Variants in SRGN observed in about 807,000 individuals in gnomAD.
SRGN encodes the protein hematopoetic proteoglycan core peptide.
SRGN carries 2 observed loss-of-function variants against 9.5 expected under a neutral mutation model. That is an observed-to-expected ratio of 0.21 (90% CI 0.09 to 0.66). SRGN has a LOEUF of 0.66. Ranked by LOEUF, SRGN falls within the 30% of genes least tolerant of loss-of-function variation. SRGN has a pLI of 0.83. For synonymous variants in SRGN, 59 were observed against 72.3 expected, an observed-to-expected ratio of 0.82 and a Z score of 0.93; for missense variants, 170 against 192.4, an observed-to-expected ratio of 0.88 and a Z score of 0.69.
chr10:69,104,212 T>C lies in SRGN; in HGVS notation c.*92T>C, dbSNP rs1840352318. On this transcript the variant is annotated 3_prime_UTR_variant, in exon 3 of 3. Transcript: ENST00000242465. ...ATTAATCTTGGGACAAAGAATTTTATAGAAATTTTTAAACATCTGAAAAAG... is the reference window on the plus strand; with the variant it reads ...ATTAATCTTGGGACAAAGAATTTTACAGAAATTTTTAAACATCTGAAAAAG... The C allele has an allele frequency of 6.8e-7, 1 of 1,468,972 alleles. No individual in the cohort carries two copies. Among genetic ancestry groups the C allele is most frequent in the South Asian group, 1.4e-5 (1 of 69,578 alleles). 91.0% of individuals were successfully genotyped at this position (1,468,972 alleles called of 1,614,324 possible).
At chr10:69,087,644 G>T (rs959935096), upstream of SRGN, among the ~76,000 whole-genome samples, 7 of 151,108 alleles carry the variant, frequency 4.6e-5, no homozygotes, top group Non-Finnish European at 1.0e-4. Flanking sequence ...TTCACTTCAC[G>T]AGCTTGGCTC....
intron 2 of SRGN, among the ~76,000 whole-genome samples, chr10:69,103,064 C>T (rs1317191900): frequency 4.6e-5 from 7 of 151,950 alleles, no homozygotes; most frequent in Admixed American, 3.9e-4. Flanking sequence ...CTCAGCCTTC[C>T]GAGTAGCTGG....
chr10:69,091,569 G>C (rs1650950381), intron 1 of SRGN, among the ~76,000 whole-genome samples: 1 of 152,038 alleles, frequency 6.6e-6, no homozygotes, highest in African/African-American at 2.4e-5. Context: ...CATGCCTGCA[G>C]TAAGTTTCCA....
At chr10:69,093,098 T>C (rs1302830870) in intron 1 of SRGN, among the ~76,000 whole-genome samples, 1 of 152,210 alleles carries the variant, frequency 6.6e-6, no homozygotes. Flanking sequence ...CTCAGCTTGA[T>C]ACTCAGTGCA....
intron 2 of SRGN, among the ~76,000 whole-genome samples, chr10:69,100,612 G>C (rs1937660435): frequency 6.6e-6 from 1 of 152,040 alleles, no homozygotes; most frequent in African/African-American, 2.4e-5. Flanking sequence ...AATGGTCCTT[G>C]CTTCTGTGCT....
In SRGN at chr10:69,103,823, C is replaced by T. The variant is rs1016324496; in HGVS notation, c.228-48C>T. The T allele has an allele frequency of 1.4e-5, 23 of 1,588,838 alleles. No homozygotes were observed. In the African/African-American group the frequency reaches 1.5e-4, roughly 10 times the overall value. On this transcript the variant is annotated intron_variant, in intron 2 of 2. Coordinates refer to ENST00000242465, the MANE Select transcript of SRGN (RefSeq NM_002727.4). Reference sequence around the variant, plus strand: ...AAAACTATTATAATTATCTTTCCCACATATCAAACTCCACTGGTTTTTTTC... The same window carrying T: ...AAAACTATTATAATTATCTTTCCCATATATCAAACTCCACTGGTTTTTTTC...
chr10:69,092,886 A>G (rs1207583578), intron 1 of SRGN, among the ~76,000 whole-genome samples: 1 of 151,878 alleles, frequency 6.6e-6, no homozygotes, highest in African/African-American at 2.4e-5. Context: ...CATTTTCATC[A>G]TCCCCCAAAA....
chr10:69,089,337 C>T (rs967381452), intron 1 of SRGN, among the ~76,000 whole-genome samples: 2 of 152,132 alleles, frequency 1.3e-5, no homozygotes, highest in African/African-American at 4.8e-5. Flanking sequence ...TTGTAGGGAA[C>T]AGGCTTCACT....
At chr10:69,095,074 G>GAGGCGGGTGGATCACCTGAGGTC (rs1345023238) in intron 1 of SRGN, among the ~76,000 whole-genome samples, 2 of 151,586 alleles carry the variant, frequency 1.3e-5, no homozygotes, top group Admixed American at 6.6e-5. Flanking sequence ...TTGGGAGACT[G>GAGGCGGGTGGATCACCTGAGGTC]AGGCGGGTGG....
At chr10:69,089,897 A>G (rs909140485) in intron 1 of SRGN, among the ~76,000 whole-genome samples, 1 of 152,072 alleles carries the variant, frequency 6.6e-6, no homozygotes, top group Non-Finnish European at 1.5e-5. Flanking sequence ...CTCTGTCAGA[A>G]AGAAAGAAAG....
intron 1 of SRGN, among the ~76,000 whole-genome samples, chr10:69,094,765 T>C (rs1033097172): frequency 6.6e-6 from 1 of 151,856 alleles, no homozygotes; most frequent in African/African-American, 2.4e-5. Context: ...ATTTTTAAAA[T>C]CTTTTTTCTC....
chr10:69,097,788 T>G (rs1422143040), intron 2 of SRGN, among the ~76,000 whole-genome samples: 1 of 152,134 alleles, frequency 6.6e-6, no homozygotes, highest in African/African-American at 2.4e-5. Flanking sequence ...GGTCTCAAAC[T>G]CCTGACCTCA....
At position 69,104,245 on chromosome 10, in the gene SRGN, A is replaced by G. The variant is rs1840353306; in HGVS notation, c.*125A>G. The G allele has an allele frequency of 7.9e-7, 1 of 1,270,738 alleles. No individual in the cohort carries two copies. Among genetic ancestry groups the G allele is most frequent in the Non-Finnish European group, 1.1e-6 (1 of 928,972 alleles). 78.7% of individuals were successfully genotyped at this position (1,270,738 alleles called of 1,614,324 possible). On this transcript the variant is annotated 3_prime_UTR_variant, in exon 3 of 3. Coordinates refer to ENST00000242465, the MANE Select transcript of SRGN (RefSeq NM_002727.4). The stretch of plus-strand genomic sequence containing the variant: ...TTTAAACATCTGAAAAAGAAGCTTA[A>G]GTTTTATCATCCTTTTTTTTCTCAT...
At chr10:69,091,904 AAAAAGAAAAAGAAAAGAAAAG>A in intron 1 of SRGN, among the ~76,000 whole-genome samples, 1 of 90,376 alleles carries the variant, frequency 1.1e-5, no homozygotes, top group Non-Finnish European at 3.0e-5. Flanking sequence ...AAAAAAAAAA[AAAAAGAAAAAGAAAAGAAAAG>A]AAAAAAAAAA....
At chr10:69,093,888 AAAAG>A (rs1178717900) in intron 1 of SRGN, among the ~76,000 whole-genome samples, 4 of 152,158 alleles carry the variant, frequency 2.6e-5, no homozygotes, top group Admixed American at 2.6e-4. Context: ...AATAAAAAAG[AAAAG>A]AAAGAAAGTC....
intron 2 of SRGN, among the ~76,000 whole-genome samples, chr10:69,103,213 A>G (rs998993397): frequency 1.3e-5 from 2 of 151,762 alleles, no homozygotes; most frequent in Non-Finnish European, 2.9e-5. Context: ...TGCTTGGATT[A>G]CAGACATGAG....
chr10:69,103,790 A>G (rs1840336045), intron 2 of SRGN, 81 bp from the exon 3 acceptor site: 1 of 1,450,004 alleles, frequency 6.9e-7, no homozygotes, highest in South Asian at 1.3e-5. Context: ...TTATCTCCTT[A>G]TATTAAAAAA....
At chr10:69,101,984 G>A (rs1840301437) in intron 2 of SRGN, among the ~76,000 whole-genome samples, 1 of 152,032 alleles carries the variant, frequency 6.6e-6, no homozygotes, top group African/African-American at 2.4e-5. Flanking sequence ...GGGAGGGTGA[G>A]GCTGCAGTGA....
intron 2 of SRGN, among the ~76,000 whole-genome samples, chr10:69,101,502 T>A (rs1355257782): frequency 1.3e-5 from 2 of 152,190 alleles, no homozygotes; most frequent in African/African-American, 4.8e-5. Flanking sequence ...CTGAACTCAG[T>A]GTCTTCTTCC....
Sources: gnomAD v4.1 joint callset for allele counts (sites outside exome capture counted in the v4.1 genomes callset) on GRCh38, gnomAD v4.1.1 for gene constraint, MANE v1.5 for transcripts, NCBI Gene and HGNC (gene_info 2026-07-23, HGNC 2026-07-21) for gene names.